The following HIRA variants were observed in gnomAD, a reference collection of about 807,000 sequenced individuals.
The protein encoded by HIRA is histone cell cycle regulator, also known as protein HIRA.
A neutral mutation model predicts 126.6 loss-of-function variants in HIRA; 13 were observed. The ratio of observed to expected loss-of-function variants is 0.10; its 90% confidence interval spans 0.07 to 0.16. HIRA has a LOEUF of 0.16. Ranked by LOEUF, HIRA falls within the 10% of genes least tolerant of loss-of-function variation. The probability of loss-of-function intolerance (pLI) is 1.00; values close to 1 mark genes in which losing one functional copy is unlikely to be tolerated. For synonymous variants in HIRA, 511 were observed against 520.0 expected (o/e 0.98, Z 0.24); for missense variants, 834 against 1,314.4 (o/e 0.63, Z 5.65).
chr22:19,376,866 C>T (rs1569300272), intron 14 of HIRA, among the ~76,000 whole-genome samples: 1 of 152,238 alleles, frequency 6.6e-6, no homozygotes, highest in Non-Finnish European at 1.5e-5. Context: ...TGGAGAATCG[C>T]TCTGACGGTA....
chr22:19,414,350 T>C (rs1201409023), intron 1 of HIRA, among the ~76,000 whole-genome samples: 1 of 152,202 alleles, frequency 6.6e-6, no homozygotes, highest in Non-Finnish European at 1.5e-5. Flanking sequence ...GAAAGATTCC[T>C]AGAAGAGGAC....
At chr22:19,394,635 T>A (rs1298214756) in intron 7 of HIRA, 126 bp from the exon 8 acceptor site, 21 of 921,070 alleles carry the variant, frequency 2.3e-5, no homozygotes, top group Non-Finnish European at 3.4e-5. Context: ...CCCAAGCTTC[T>A]GGCTACACTG....
chr22:19,340,995 G>C (rs1217204252), intron 24 of HIRA, among the ~76,000 whole-genome samples: 1 of 152,130 alleles, frequency 6.6e-6, no homozygotes, highest in African/African-American at 2.4e-5. Flanking sequence ...ATTCTTCACA[G>C]AACTAGAAAA....
At chr22:19,343,016 T>C (rs2088648402) in intron 24 of HIRA, among the ~76,000 whole-genome samples, 1 of 152,210 alleles carries the variant, frequency 6.6e-6, no homozygotes, top group Non-Finnish European at 1.5e-5. Flanking sequence ...AAACATTATA[T>C]GTTCTCACTT....
In HIRA at chr22:19,351,200, C is replaced by T. The variant is rs143031021; in HGVS notation, c.2937+158G>A. On this transcript the variant is annotated intron_variant, in intron 24 of 24. Coordinates refer to ENST00000263208, the MANE Select transcript of HIRA (RefSeq NM_003325.4). This position sits in a 1 kb window ranked among gnomAD's most constrained non-coding sequence, Gnocchi z 4.8. Reference sequence around the variant, plus strand: ...CAGCTCCTGCCAGGTTGTGGAGGGCCGTCGGCATGTCACCCTCTCACTGAT... The same window carrying T: ...CAGCTCCTGCCAGGTTGTGGAGGGCTGTCGGCATGTCACCCTCTCACTGAT... 1.9e-4 allele frequency: 192 copies of T among 985,318 alleles called. 1 individual carries two copies. In the African/African-American group the frequency reaches 3.0e-3, roughly 16 times the overall value. The allele number at this position is 985,318 out of a possible 1,614,324, so 61.0% of individuals were successfully genotyped here.
chr22:19,338,373 T>C (rs782783359), intron 24 of HIRA, among the ~76,000 whole-genome samples: 1 of 140,122 alleles, frequency 7.1e-6, no homozygotes, highest in Non-Finnish European at 1.6e-5. Flanking sequence ...CCTTAAAGCA[T>C]AAAACTCACA....
chr22:19,346,317 G>GTGACAGAGAGAGACTTCGTCTCAAAT (rs2088686255), intron 24 of HIRA, among the ~76,000 whole-genome samples: 1 of 152,240 alleles, frequency 6.6e-6, no homozygotes, highest in Non-Finnish European at 1.5e-5. Flanking sequence ...TCCAGCCTGG[G>GTGACAGAGAGAGACTTCGTCTCAAAT]TGACAGAGAG....
Position 19,351,504 on chromosome 22 carries a change from A to C in HIRA, c.2849-58T>G. The C allele has an allele frequency of 8.2e-7, 1 of 1,222,484 alleles. No individual in the cohort carries two copies. Among genetic ancestry groups the C allele is most frequent in the South Asian group, 1.3e-5 (1 of 79,632 alleles). 75.7% of individuals were successfully genotyped at this position (1,222,484 alleles called of 1,614,324 possible). ...CAAAAAACAAAACAGAAATAGGAAC[A>C]CATTACAAAAAGAAATAAAATCAAG... On this transcript the variant is annotated intron_variant, in intron 23 of 24. Transcript: ENST00000263208. The surrounding 1 kb of genome is among the most constrained non-coding windows in gnomAD (Gnocchi z 4.8).
At chr22:19,380,214 G>C (rs2089060343) in intron 13 of HIRA, among the ~76,000 whole-genome samples, 1 of 151,826 alleles carries the variant, frequency 6.6e-6, no homozygotes, top group African/African-American at 2.4e-5. Flanking sequence ...TATTCTTCCA[G>C]GGAATCTTCT....
At chr22:19,386,753 G>C (rs1422612586) in intron 11 of HIRA, among the ~76,000 whole-genome samples, 1 of 152,230 alleles carries the variant, frequency 6.6e-6, no homozygotes. Context: ...CTCCAAGGGA[G>C]TGCATAGTGA....
chr22:19,410,801 A>C, intron 1 of HIRA, 23 bp from the exon 2 acceptor site: 1 of 1,594,778 alleles, frequency 6.3e-7, no homozygotes, highest in East Asian at 2.2e-5. Flanking sequence ...AAAAAAAAAT[A>C]CAGTATCTAA....
chr22:19,365,429 T>C (rs1200377828), intron 15 of HIRA, among the ~76,000 whole-genome samples: 1 of 152,216 alleles, frequency 6.6e-6, no homozygotes, highest in East Asian at 1.9e-4. Context: ...CAGCTGGTGA[T>C]TTTAGGTGGA....
chr22:19,365,666 A>C (rs910223796), intron 15 of HIRA: 3 of 152,236 alleles, frequency 2.0e-5, no homozygotes, highest in African/African-American at 4.8e-5. Context: ...GACAGAGATG[A>C]ATGTTGTTTT....
intron 24 of HIRA, among the ~76,000 whole-genome samples, chr22:19,342,190 C>T (rs1311924433): frequency 6.6e-6 from 1 of 151,992 alleles, no homozygotes; most frequent in African/African-American, 2.4e-5. Flanking sequence ...GACCAACAAA[C>T]ATATGAAAAA....
At chr22:19,365,141 G>C (rs994108224) in intron 15 of HIRA, among the ~76,000 whole-genome samples, 2 of 152,236 alleles carry the variant, frequency 1.3e-5, no homozygotes, top group African/African-American at 4.8e-5. Flanking sequence ...AGCTAGCAGA[G>C]GTTGGCTCAT....
chr22:19,381,016 T>C (rs2089068414), intron 13 of HIRA, among the ~76,000 whole-genome samples: 1 of 152,256 alleles, frequency 6.6e-6, no homozygotes, highest in African/African-American at 2.4e-5. Flanking sequence ...ACAAGAGAGC[T>C]GACATCTTTA....
At chr22:19,408,389 C>T (rs1228227951) in intron 3 of HIRA, 94 bp downstream of exon 3, 2 of 781,308 alleles carry the variant, frequency 2.6e-6, no homozygotes, top group African/African-American at 1.7e-5. Context: ...GAGTTACCGC[C>T]GCACGGGGCC....
chr22:19,348,652 T>C (rs888717770), intron 24 of HIRA, among the ~76,000 whole-genome samples: 12 of 150,238 alleles, frequency 8.0e-5, no homozygotes, highest in East Asian at 2.0e-4. Context: ...CCCGCCACCA[T>C]GCCTGGCTAA....
intron 24 of HIRA, among the ~76,000 whole-genome samples, chr22:19,349,988 TTTTC>T (rs1556010314): frequency 1.3e-5 from 2 of 151,920 alleles, no homozygotes; most frequent in African/African-American, 4.8e-5. Flanking sequence ...TTCCTTTTTC[TTTTC>T]TTTTTTTTTT....
Sources: allele counts gnomAD v4.1 joint callset (sites outside exome capture counted in the v4.1 genomes callset), GRCh38; gene constraint gnomAD v4.1.1; non-coding constraint Gnocchi (gnomAD v3.1); transcripts MANE v1.5; gene names NCBI Gene and HGNC (gene_info 2026-07-23, HGNC 2026-07-21).